ENTREP2: variants seen among roughly 807,000 people sequenced by gnomAD.
ENTREP2 encodes protein ENTREP2.
the ENTREP2 span, among the ~76,000 whole-genome samples, chr15:29,391,132 G>A: frequency 1.3e-5 from 2 of 151,850 alleles, no homozygotes; most frequent in African/African-American, 4.8e-5. Flanking sequence ...TCTTGCTGGG[G>A]CCACAGAAGG....
At chr15:29,237,530 T>C in the ENTREP2 span, among the ~76,000 whole-genome samples, 1 of 152,218 alleles carries the variant, frequency 6.6e-6, no homozygotes, top group South Asian at 2.1e-4. Flanking sequence ...AGGTTCACTG[T>C]TTTGCCTATG....
the ENTREP2 span, chr15:29,122,434 G>A: frequency 1.3e-5 from 2 of 152,306 alleles, no homozygotes; most frequent in African/African-American, 2.4e-5. Flanking sequence ...AAAGGGACCT[G>A]CTTTATCAGG....
chr15:29,480,532 C>G, the ENTREP2 span, among the ~76,000 whole-genome samples: 1 of 151,506 alleles, frequency 6.6e-6, no homozygotes, highest in South Asian at 2.1e-4. Context: ...CACAGAAGGA[C>G]GTGATGCAAA....
At chr15:29,345,617 C>T in the ENTREP2 span, among the ~76,000 whole-genome samples, 2 of 152,208 alleles carry the variant, frequency 1.3e-5, no homozygotes, top group Admixed American at 6.5e-5. Flanking sequence ...ACATTCTGTA[C>T]GGCTCCAGGC....
At chr15:29,288,678 G>A in the ENTREP2 span, among the ~76,000 whole-genome samples, 1 of 152,154 alleles carries the variant, frequency 6.6e-6, no homozygotes, top group Non-Finnish European at 1.5e-5. Flanking sequence ...CAGGAGCAAT[G>A]GGCTGTACCC....
chr15:29,520,677 T>TGAA, the ENTREP2 span, among the ~76,000 whole-genome samples: 1 of 152,180 alleles, frequency 6.6e-6, no homozygotes, highest in East Asian at 1.9e-4. Context: ...AAGTATTTTA[T>TGAA]GAAAACCTAC....
the ENTREP2 span, among the ~76,000 whole-genome samples, chr15:29,347,073 A>G: frequency 6.6e-6 from 1 of 152,236 alleles, no homozygotes; most frequent in Non-Finnish European, 1.5e-5. Flanking sequence ...AGCCATCTGA[A>G]AAGTCCCAGA....
At chr15:29,478,195 T>G in the ENTREP2 span, among the ~76,000 whole-genome samples, 1,304 of 151,174 alleles carry the variant, frequency 8.6e-3, 14 homozygotes, top group African/African-American at 0.03. Flanking sequence ...CGGCTAATTT[T>G]TATTGTATTT....
chr15:29,404,858 T>C, the ENTREP2 span, among the ~76,000 whole-genome samples: 1 of 151,984 alleles, frequency 6.6e-6, no homozygotes, highest in Admixed American at 6.6e-5. Flanking sequence ...CAGATGTGCC[T>C]GTCAGGGTCC....
chr15:29,419,851 C>G, the ENTREP2 span, among the ~76,000 whole-genome samples: 1 of 151,972 alleles, frequency 6.6e-6, no homozygotes, highest in Non-Finnish European at 1.5e-5. Context: ...AAAAAGGAAG[C>G]TAAAATAAAA....
chr15:29,409,132 T>C, the ENTREP2 span, among the ~76,000 whole-genome samples: 147 of 152,338 alleles, frequency 9.6e-4, no homozygotes, highest in African/African-American at 3.4e-3. Flanking sequence ...GGTTGTAATT[T>C]TGTTAAGTAG....
At chr15:29,634,668 C>G in the ENTREP2 span, among the ~76,000 whole-genome samples, 2 of 152,194 alleles carry the variant, frequency 1.3e-5, no homozygotes, top group Non-Finnish European at 2.9e-5. Context: ...GACTACCCCC[C>G]TTCCCAGCCC....
At chr15:29,121,435 C>G in the ENTREP2 span, 1 of 152,066 alleles carries the variant, frequency 6.6e-6, no homozygotes, top group South Asian at 2.1e-4. Flanking sequence ...AACCCCCAAG[C>G]CCTAGTGTGG....
At chr15:29,427,615 C>T in the ENTREP2 span, among the ~76,000 whole-genome samples, 1 of 151,982 alleles carries the variant, frequency 6.6e-6, no homozygotes, top group Non-Finnish European at 1.5e-5. Flanking sequence ...ATCCTCGCCT[C>T]TCCTTCTCTG....
At chr15:29,619,474 G>A in the ENTREP2 span, among the ~76,000 whole-genome samples, 1 of 152,032 alleles carries the variant, frequency 6.6e-6, no homozygotes, top group East Asian at 1.9e-4. Flanking sequence ...AAACACTGAG[G>A]GTTAAATAAC....
chr15:29,268,982 C>T, the ENTREP2 span: 1 of 1,614,000 alleles, frequency 6.2e-7, no homozygotes, highest in African/African-American at 1.3e-5. Context: ...TCGACGGGGT[C>T]GGTGTGGGGT....
chr15:29,453,552 T>TGG, the ENTREP2 span, among the ~76,000 whole-genome samples: 2 of 152,242 alleles, frequency 1.3e-5, no homozygotes, highest in African/African-American at 4.8e-5. Context: ...CAGAGTGCCC[T>TGG]GGGCTGGGCT....
At chr15:29,184,454 A>C in the ENTREP2 span, among the ~76,000 whole-genome samples, 1 of 152,130 alleles carries the variant, frequency 6.6e-6, no homozygotes, top group Admixed American at 6.5e-5. Flanking sequence ...TCTCCTACTA[A>C]GCGGATCAGG....
chr15:29,490,136 T>C, the ENTREP2 span, among the ~76,000 whole-genome samples: 4 of 152,188 alleles, frequency 2.6e-5, no homozygotes, highest in Non-Finnish European at 5.9e-5. Flanking sequence ...ACTTCAAGAA[T>C]GAAGCCGTGG....
Sources: allele counts gnomAD v4.1 joint callset (sites outside exome capture counted in the v4.1 genomes callset), GRCh38; gene constraint gnomAD v4.1.1; transcripts MANE v1.5; gene names NCBI Gene and HGNC (gene_info 2026-07-23, HGNC 2026-07-21).